The following ZHX2 variants were observed in gnomAD, a reference collection of about 807,000 sequenced individuals.
ZHX2 encodes the protein zinc fingers and homeoboxes protein 2.
Under a neutral mutation model 21.9 loss-of-function variants are expected in ZHX2, and 6 were observed. That is an observed-to-expected ratio of 0.27 (90% confidence interval 0.15 to 0.54). ZHX2 has a LOEUF of 0.54. ZHX2 is among the 20% of genes least tolerant of loss of function. The pLI is 0.95. For missense variants in ZHX2, 908 were observed against 1,090.7 expected, an observed-to-expected ratio of 0.83 and a Z score of 2.36; for synonymous variants, 434 against 437.1, an observed-to-expected ratio of 0.99 and a Z score of 0.09.
intron 2 of ZHX2, among the ~76,000 whole-genome samples, chr8:122,928,052 C>T (rs113020495): frequency 0.016 from 2,415 of 152,220 alleles, 63 homozygotes; most frequent in African/African-American, 0.055. Context: ...CTAAAATTGG[C>T]CCTAGGACGC....
chr8:122,965,703 G>A (rs970175551), intron 3 of ZHX2, among the ~76,000 whole-genome samples: 4 of 152,074 alleles, frequency 2.6e-5, no homozygotes, highest in African/African-American at 9.7e-5. Flanking sequence ...TTGTTTCTTT[G>A]TTGGCTTTCC....
rs2130296615 is a variant in ZHX2, at chr8:122,953,773, C to T, written c.2263C>T (p.Pro755Ser). The T allele has an allele frequency of 6.2e-7, 1 of 1,614,236 alleles. No homozygotes were observed. The highest frequency in any genetic ancestry group is 8.5e-7 in the Non-Finnish European group (1 of 1,180,052). ...LVTRVKVGSE[P>S]AKDCLPAKPS... is the part of the protein sequence containing the mutation. The stretch of plus-strand genomic sequence containing the variant: ...GACCAGGGTAAAAGTAGGCAGCGAG[C>T]CAGCAAAAGACTGTTTGCCAGCAAA... Residue 755 changes from proline to serine, a missense_variant, in exon 3 of 4, where the codon CCA becomes TCA. Pro to Ser is a moderately conservative substitution (Grantham distance 74). This residue lies in a region of ZHX2 where 431 missense variants were observed against 428.6 expected (regional missense o/e 1.01). Coordinates refer to ENST00000314393, the MANE Select transcript of ZHX2 (RefSeq NM_014943.5). The surrounding 1 kb of genome is among the most constrained non-coding windows in gnomAD (Gnocchi z 4.6).
intron 1 of ZHX2, among the ~76,000 whole-genome samples, chr8:122,843,933 T>C (rs1378351826): frequency 1.3e-5 from 2 of 149,926 alleles, no homozygotes; most frequent in Non-Finnish European, 2.9e-5. Flanking sequence ...GAGCTTTTTC[T>C]ACACTTCGCT....
intron 2 of ZHX2, among the ~76,000 whole-genome samples, chr8:122,908,564 C>G (rs1449904991): frequency 6.6e-6 from 1 of 152,154 alleles, no homozygotes; most frequent in Non-Finnish European, 1.5e-5. Flanking sequence ...AGTTGCTTAA[C>G]CTCATCCGAG....
intron 1 of ZHX2, among the ~76,000 whole-genome samples, chr8:122,832,830 C>A (rs1027038573): frequency 3.3e-5 from 5 of 152,068 alleles, no homozygotes; most frequent in African/African-American, 1.2e-4. Flanking sequence ...CATATTTGTG[C>A]TTTCTTAGGG....
At chr8:122,857,083 C>T (rs1819043922) in intron 1 of ZHX2, among the ~76,000 whole-genome samples, 1 of 152,168 alleles carries the variant, frequency 6.6e-6, no homozygotes, top group African/African-American at 2.4e-5. Context: ...TCTTCCTCTC[C>T]CTGCCTGGTG....
chr8:122,969,246 G>A (rs1813661423), intron 3 of ZHX2, among the ~76,000 whole-genome samples: 1 of 152,090 alleles, frequency 6.6e-6, no homozygotes, highest in Non-Finnish European at 1.5e-5. Flanking sequence ...GGGGCAGGGG[G>A]ATGTGGGGAA....
Position 122,811,134 on chromosome 8 carries a change from C to T in ZHX2, c.-283+29188C>T, listed in dbSNP as rs185867963. 2.1e-4 allele frequency among the ~76,000 whole-genome samples: 32 copies of T among 152,236 alleles called. 1 individual carries two copies. The East Asian group carries it at 5.6e-3, about 27-fold the overall frequency. ...GTGGCTTATACCTGTAATCCCGGCA[C>T]TTTGGGAGGCTGAGGTGGGTGGATT... On this transcript the variant is annotated intron_variant, in intron 1 of 3. Transcript: ENST00000314393.
intron 2 of ZHX2, among the ~76,000 whole-genome samples, chr8:122,945,163 C>T (rs1439214683): frequency 6.6e-6 from 1 of 152,094 alleles, no homozygotes; most frequent in East Asian, 1.9e-4. Context: ...TCATGGCAGC[C>T]CTAGCGAACT....
chr8:122,883,243 T>C (rs1463298484), intron 2 of ZHX2, among the ~76,000 whole-genome samples: 22 of 152,128 alleles, frequency 1.4e-4, no homozygotes. Context: ...TGCTGTTCCC[T>C]ATGTGTGCAA....
At chr8:122,884,287 A>T (rs1819786248) in intron 2 of ZHX2, among the ~76,000 whole-genome samples, 2 of 152,234 alleles carry the variant, frequency 1.3e-5, no homozygotes. Flanking sequence ...GGCTCCGTTC[A>T]GTCGGATAAA....
intron 2 of ZHX2, among the ~76,000 whole-genome samples, chr8:122,944,079 G>A (rs1289075928): frequency 6.6e-6 from 1 of 152,102 alleles, no homozygotes; most frequent in Non-Finnish European, 1.5e-5. Flanking sequence ...CCTTTGATAG[G>A]AGTCACTCTC....
At chr8:122,971,213 A>G (rs1285046903) in intron 3 of ZHX2, among the ~76,000 whole-genome samples, 4 of 151,772 alleles carry the variant, frequency 2.6e-5, no homozygotes, top group Admixed American at 2.0e-4. Context: ...AGGGAGAGTC[A>G]TGATCATTCT....
At chr8:122,895,157 T>A (rs1820070939) in intron 2 of ZHX2, among the ~76,000 whole-genome samples, 1 of 152,188 alleles carries the variant, frequency 6.6e-6, no homozygotes, top group Non-Finnish European at 1.5e-5. Context: ...AATGTTGACA[T>A]TTGTTTTCCT....
intron 2 of ZHX2, among the ~76,000 whole-genome samples, chr8:122,875,687 C>A (rs940034963): frequency 6.6e-6 from 1 of 152,264 alleles, no homozygotes; most frequent in Non-Finnish European, 1.5e-5. Flanking sequence ...TGACTATGAG[C>A]CCCCTTTTAC....
intron 1 of ZHX2, among the ~76,000 whole-genome samples, chr8:122,825,502 C>G (rs1425864558): frequency 1.3e-5 from 2 of 152,160 alleles, no homozygotes; most frequent in Non-Finnish European, 2.9e-5. Flanking sequence ...CCTCCAAGTC[C>G]TAGTTTTCGA....
intron 1 of ZHX2, chr8:122,816,557 A>G (rs1462000630): frequency 1.3e-5 from 2 of 151,662 alleles, no homozygotes; most frequent in Non-Finnish European, 2.9e-5. Flanking sequence ...GTGATTCTCA[A>G]TAATGAATCT....
chr8:122,795,101 G>A (rs767754215), intron 1 of ZHX2, among the ~76,000 whole-genome samples: 6 of 152,210 alleles, frequency 3.9e-5, no homozygotes, highest in Non-Finnish European at 8.8e-5. Context: ...ATTAATGTCT[G>A]TGGAATGACT....
chr8:122,970,407 G>A (rs1240225877), intron 3 of ZHX2, among the ~76,000 whole-genome samples: 1 of 152,346 alleles, frequency 6.6e-6, no homozygotes, highest in East Asian at 1.9e-4. Flanking sequence ...GGATGGGGGG[G>A]TCAGCCTGCT....
Sources: allele counts gnomAD v4.1 joint callset (sites outside exome capture counted in the v4.1 genomes callset), GRCh38; gene constraint gnomAD v4.1.1; regional missense constraint gnomAD v4.1.1; non-coding constraint Gnocchi (gnomAD v3.1); transcripts MANE v1.5; gene names NCBI Gene and HGNC (gene_info 2026-07-23, HGNC 2026-07-21).